Variants in CFAP47 observed in about 807,000 individuals in gnomAD.
CFAP47 encodes the protein cilia and flagella associated protein 47.
A neutral mutation model predicts 148.1 loss-of-function variants in CFAP47; 29 were observed. The observed-to-expected ratio is 0.20, with a 90% CI of 0.15 to 0.27. The LOEUF (loss-of-function observed/expected upper bound fraction) is 0.27. CFAP47 is among the 10% of genes least tolerant of loss of function. The pLI, the probability that CFAP47 is intolerant of heterozygous loss-of-function variation, is 1.00. For synonymous variants in CFAP47, 664 were observed against 577.3 expected, an observed-to-expected ratio of 1.15 and a Z score of -2.15; for missense variants, 1,872 against 1,697.5, an observed-to-expected ratio of 1.10 and a Z score of -1.81.
At chrX:36,171,906 G>C (rs1264734447) in intron 39 of CFAP47, among the ~76,000 whole-genome samples, 69 of 108,927 alleles carry the variant, frequency 6.3e-4, no homozygotes, top group Non-Finnish European at 1.1e-3. Context: ...CCATTTTCAC[G>C]ATATTGATTC....
intron 32 of CFAP47, among the ~76,000 whole-genome samples, chrX:36,101,621 A>G (rs1938377753): frequency 9.0e-6 from 1 of 111,532 alleles, no homozygotes; most frequent in Non-Finnish European, 1.9e-5. Flanking sequence ...ATGTATTGCT[A>G]TACATTTCTT....
chrX:36,257,531 C>T (rs1376667922), intron 49 of CFAP47, among the ~76,000 whole-genome samples: 1 of 109,085 alleles, frequency 9.2e-6, no homozygotes, highest in African/African-American at 3.4e-5. Context: ...CTCAGCGATC[C>T]TCCCACCTCA....
intron 45 of CFAP47, among the ~76,000 whole-genome samples, chrX:36,221,208 A>T (rs782127922): frequency 3.0e-4 from 33 of 111,564 alleles, no homozygotes; most frequent in Admixed American, 2.4e-3. Context: ...AAGAATAAAT[A>T]ATTCGGGTGT....
At chrX:36,091,058 G>T (rs987496990) in intron 30 of CFAP47, among the ~76,000 whole-genome samples, 4 of 111,727 alleles carry the variant, frequency 3.6e-5, no homozygotes, top group Non-Finnish European at 7.5e-5. Flanking sequence ...CTACTGATAA[G>T]ACATAAAGGT....
chrX:36,314,528 C>T (rs1556010578), intron 56 of CFAP47, among the ~76,000 whole-genome samples: 1 of 111,640 alleles, frequency 9.0e-6, no homozygotes, highest in Non-Finnish European at 1.9e-5. Flanking sequence ...TTGGCCAAAC[C>T]TCAATGATTG....
chrX:36,125,252 G>C (rs1314375302), intron 33 of CFAP47, among the ~76,000 whole-genome samples: 3 of 111,379 alleles, frequency 2.7e-5, no homozygotes, highest in Non-Finnish European at 5.6e-5. Context: ...TATATGTTTA[G>C]CACTGTTCTA....
chrX:35,978,869 A>G (rs907006481), intron 15 of CFAP47, among the ~76,000 whole-genome samples: 1 of 112,163 alleles, frequency 8.9e-6, no homozygotes, highest in Non-Finnish European at 1.9e-5. Flanking sequence ...ATAATTCCAA[A>G]TTAAAATTTA....
intron 26 of CFAP47, among the ~76,000 whole-genome samples, chrX:36,064,862 G>A (rs187339566): frequency 8.9e-6 from 1 of 111,817 alleles, no homozygotes; most frequent in East Asian, 2.8e-4. Context: ...TTTTGTGGTT[G>A]GTAAACATAA....
chrX:36,323,649 C>T (rs1941494890), intron 57 of CFAP47, among the ~76,000 whole-genome samples: 1 of 111,318 alleles, frequency 9.0e-6, no homozygotes, highest in Non-Finnish European at 1.9e-5. Flanking sequence ...TTCATCATCC[C>T]AGTCAATCTG....
At chrX:36,050,739 TG>T (rs1380557112) in intron 26 of CFAP47, among the ~76,000 whole-genome samples, 1 of 110,925 alleles carries the variant, frequency 9.0e-6, no homozygotes, top group Non-Finnish European at 1.9e-5. Flanking sequence ...ACCAAGACAA[TG>T]GGGAAAATGT....
At chrX:36,099,234 G>A (rs1938331443) in intron 31 of CFAP47, among the ~76,000 whole-genome samples, 1 of 111,194 alleles carries the variant, frequency 9.0e-6, no homozygotes, top group African/African-American at 3.3e-5. Context: ...TTTCTTCTTC[G>A]TTTTCAGGGG....
At chrX:36,097,099 A>G (rs1938292231) in intron 30 of CFAP47, among the ~76,000 whole-genome samples, 1 of 111,821 alleles carries the variant, frequency 8.9e-6, no homozygotes, top group Admixed American at 9.5e-5. Context: ...AAACAAGCAA[A>G]CAAAAAAGAA....
chrX:36,302,393 TTGAATTTATGAAC>T (rs1464764420), intron 53 of CFAP47, among the ~76,000 whole-genome samples: 1 of 111,475 alleles, frequency 9.0e-6, no homozygotes, highest in Non-Finnish European at 1.9e-5. Flanking sequence ...ATTATATAAT[TTGAATTTATGAAC>T]TGAATTCTGC....
chrX:36,123,194 T>C (rs770236360), intron 33 of CFAP47, among the ~76,000 whole-genome samples: 3 of 112,331 alleles, frequency 2.7e-5, no homozygotes, highest in Non-Finnish European at 5.6e-5. Flanking sequence ...AAGCTAAGGG[T>C]GTAGTGACAC....
intron 33 of CFAP47, among the ~76,000 whole-genome samples, chrX:36,109,891 G>T (rs140190112): frequency 8.9e-5 from 10 of 111,975 alleles, no homozygotes; most frequent in Admixed American, 1.9e-4. Flanking sequence ...TATGCTTCTA[G>T]GCTGCATGTA....
At chrX:36,307,103 C>A (rs1023980018) in intron 55 of CFAP47, among the ~76,000 whole-genome samples, 1 of 110,447 alleles carries the variant, frequency 9.1e-6, no homozygotes, top group African/African-American at 3.3e-5. Context: ...CAAATATATA[C>A]CCAGATTTAA....
At chrX:36,366,236 A>G (rs1424667276) in intron 61 of CFAP47, among the ~76,000 whole-genome samples, 1 of 111,624 alleles carries the variant, frequency 9.0e-6, no homozygotes, top group African/African-American at 3.3e-5. Flanking sequence ...TTGAAACCAC[A>G]CTGTTACATG....
At chrX:36,070,289 T>C (rs1343655396) in intron 27 of CFAP47, among the ~76,000 whole-genome samples, 1 of 111,206 alleles carries the variant, frequency 9.0e-6, no homozygotes, top group Non-Finnish European at 1.9e-5. Context: ...TATAACACAC[T>C]CACAGTTTAA....
intron 2 of CFAP47, among the ~76,000 whole-genome samples, chrX:35,937,104 G>A: frequency 1.8e-5 from 1 of 55,543 alleles, no homozygotes; most frequent in East Asian, 5.8e-4. Context: ...TGCAATTGCT[G>A]TTTTTTTTTT....
Sources: gnomAD v4.1 joint callset for allele counts (sites outside exome capture counted in the v4.1 genomes callset) on GRCh38, gnomAD v4.1.1 for gene constraint, MANE v1.5 for transcripts, NCBI Gene and HGNC (gene_info 2026-07-23, HGNC 2026-07-21) for gene names.